Variants in UBE2O observed in about 807,000 individuals in gnomAD.
The protein encoded by UBE2O is ubiquitin conjugating enzyme E2 O, also known as (E3-independent) E2 ubiquitin-conjugating enzyme.
Under a neutral mutation model 125.8 loss-of-function variants are expected in UBE2O, and 15 were observed. That is an observed-to-expected ratio of 0.12 (90% CI 0.08 to 0.18). The LOEUF (loss-of-function observed/expected upper bound fraction) is 0.18. Among genes scored for constraint, UBE2O ranks in the 10% least tolerant of loss-of-function variants. The probability of loss-of-function intolerance (pLI) is 1.00; values close to 1 mark genes in which losing one functional copy is unlikely to be tolerated. For missense variants in UBE2O, 1,280 were observed against 1,723.6 expected (o/e 0.74, Z 4.56); for synonymous variants, 708 against 703.2 (o/e 1.01, Z -0.11).
chr17:76,400,165 C>T lies in UBE2O; in HGVS notation c.1137G>A (p.Glu379=), dbSNP rs1187090255. The T allele has an allele frequency of 1.2e-6, 2 of 1,613,980 alleles. No homozygotes were observed. Among genetic ancestry groups the T allele is most frequent in the East Asian group, 2.2e-5 (1 of 44,896 alleles). ...GACATACCTTCTTGGCCATAGAGCCCTCCCCCTGGGCGCAGTTTTTTTCTG... is the reference window on the plus strand; with the variant it reads ...GACATACCTTCTTGGCCATAGAGCCTTCCCCCTGGGCGCAGTTTTTTTCTG... ...ECPEKNCAQG[E]GSMAKKVKRL... is the part of the protein sequence containing the mutation. Residue 379 remains glutamate (E), a synonymous_variant, in exon 8 of 18, where the codon GAG becomes GAA. Coordinates refer to ENST00000319380, the MANE Select transcript of UBE2O (RefSeq NM_022066.4). This position sits in a 1 kb window ranked among gnomAD's most constrained non-coding sequence, Gnocchi z 4.3.
rs78701971 is a variant in UBE2O at position 76,395,357 on chromosome 17, ATTTT to A, written c.2946+364_2946+367del. 3 of 139,816 alleles carry A rather than the reference ATTTT, an allele frequency of 2.1e-5. No homozygotes were observed. The highest frequency in any genetic ancestry group is 4.6e-5 in the Non-Finnish European group (3 of 64,718). 8.7% of individuals were successfully genotyped at this position (139,816 alleles called of 1,614,324 possible). A position where few individuals can be genotyped will look rare whatever the true frequency, so the allele number is the denominator to read the frequency against. The stretch of plus-strand genomic sequence containing the variant: ...CATGGTGGCGGGAGAGTTTTTTGTA[ATTTT>A]TTTTTTTTTTTTAGTGGAGACGGGG... On this transcript the variant is annotated intron_variant, in intron 15 of 17. Transcript: ENST00000319380. The surrounding 1 kb of genome is among the most constrained non-coding windows in gnomAD (Gnocchi z 5.0).
At chr17:76,424,947 T>C (rs2072781815) in intron 1 of UBE2O, among the ~76,000 whole-genome samples, 1 of 150,772 alleles carries the variant, frequency 6.6e-6, no homozygotes, top group African/African-American at 2.4e-5. Context: ...CTCAGCTCAC[T>C]GCAAGCTCCG....
At position 76,436,970 on chromosome 17, in the gene UBE2O, A is replaced by G. The variant is rs535949436; in HGVS notation, c.417+15755T>C. Reference sequence around the variant, plus strand: ...AACATGTTGAAACCATTTCTACTAAAAATGCAAAACAAACAACAACAACAA... The same window carrying G: ...AACATGTTGAAACCATTTCTACTAAGAATGCAAAACAAACAACAACAACAA... On this transcript the variant is annotated intron_variant, in intron 1 of 17. Coordinates refer to ENST00000319380, the MANE Select transcript of UBE2O (RefSeq NM_022066.4). 5.1e-4 allele frequency among the ~76,000 whole-genome samples: 77 copies of G among 152,214 alleles called. No individual in the cohort carries two copies. In the Middle Eastern group the frequency reaches 0.01, roughly 20 times the overall value.
At chr17:76,440,154 G>A (rs1041491258) in intron 1 of UBE2O, among the ~76,000 whole-genome samples, 72 of 152,306 alleles carry the variant, frequency 4.7e-4, no homozygotes, top group Middle Eastern at 3.4e-3. Flanking sequence ...AGATCACAGC[G>A]ATGGTTCTCT....
Position 76,410,531 on chromosome 17 carries a change from G to A in UBE2O, c.418-4959C>T, listed in dbSNP as rs1376828845. 6.6e-6 allele frequency among the ~76,000 whole-genome samples: 1 copy of A among 152,176 alleles called. No individual in the cohort carries two copies. The highest frequency in any genetic ancestry group is 1.5e-5 in the Non-Finnish European group (1 of 68,030). ...TCTGGAGACGCAGGTGCTGAGACCCGAACAATGGCAGAGAAGGTGGGTCTG... is the reference window on the plus strand; with the variant it reads ...TCTGGAGACGCAGGTGCTGAGACCCAAACAATGGCAGAGAAGGTGGGTCTG... On this transcript the variant is annotated intron_variant, in intron 1 of 17. Coordinates refer to ENST00000319380, the MANE Select transcript of UBE2O (RefSeq NM_022066.4). This position sits in a 1 kb window ranked among gnomAD's most constrained non-coding sequence, Gnocchi z 4.0.
At chr17:76,429,541 CAAAAAAA>C (rs61081315) in intron 1 of UBE2O, among the ~76,000 whole-genome samples, 1 of 71,792 alleles carries the variant, frequency 1.4e-5, no homozygotes, top group Admixed American at 1.8e-4. Context: ...GACTCTGTCT[CAAAAAAA>C]AAAAAAAAAA....
intron 1 of UBE2O, among the ~76,000 whole-genome samples, chr17:76,422,886 GA>G (rs1303112944): frequency 1.1e-4 from 17 of 152,366 alleles, no homozygotes; most frequent in African/African-American, 4.1e-4. Flanking sequence ...CTGGAACACA[GA>G]AGGGTGCCTC....
At chr17:76,450,099 C>A (rs935672308) in intron 1 of UBE2O, among the ~76,000 whole-genome samples, 13 of 148,056 alleles carry the variant, frequency 8.8e-5, no homozygotes, top group African/African-American at 3.3e-4. Context: ...AAAAAAAAAT[C>A]TGCCACTACA....
Position 76,405,506 on chromosome 17 carries a change from G to A in UBE2O, c.477+7C>T, listed in dbSNP as rs373424474. 1.0e-4 allele frequency: 159 copies of A among 1,596,152 alleles called. No individual in the cohort carries two copies. Among genetic ancestry groups the A allele is most frequent in the African/African-American group, 4.0e-5 (3 of 74,788 alleles). ...GCCCGGGGCTGGGGTGGGGACGCAG[G>A]ACTCACGGTGGATCGCATGTGCCGG... is the stretch of plus-strand genomic sequence containing the variant. On this transcript the variant is annotated splice_region_variant and intron_variant, in intron 2 of 17. Coordinates refer to ENST00000319380, the MANE Select transcript of UBE2O (RefSeq NM_022066.4). The surrounding 1 kb of genome is among the most constrained non-coding windows in gnomAD (Gnocchi z 6.1).
intron 1 of UBE2O, among the ~76,000 whole-genome samples, chr17:76,416,686 C>A (rs1285306907): frequency 6.6e-6 from 1 of 152,198 alleles, no homozygotes; most frequent in Non-Finnish European, 1.5e-5. Flanking sequence ...GCTGGCATCA[C>A]TGGGACACCA....
Position 76,399,162 on chromosome 17 carries a change from G to A in UBE2O, c.1629-171C>T, listed in dbSNP as rs1170530674. On this transcript the variant is annotated intron_variant, in intron 9 of 17. Transcript: ENST00000319380. The surrounding 1 kb of genome is among the most constrained non-coding windows in gnomAD (Gnocchi z 6.9). ...CAGGAAGCTCACCCAGGGTTCCAAG[G>A]CCACGCATTCTCTGAGAACAGGATC... 5 of 875,642 alleles carry A rather than the reference G, an allele frequency of 5.7e-6. No individual in the cohort carries two copies. Among genetic ancestry groups the A allele is most frequent in the Non-Finnish European group, 8.5e-6 (5 of 587,128 alleles). 54.2% of individuals were successfully genotyped at this position (875,642 alleles called of 1,614,324 possible).
At chr17:76,450,005 T>C (rs2073211307) in intron 1 of UBE2O, among the ~76,000 whole-genome samples, 2 of 151,812 alleles carry the variant, frequency 1.3e-5, no homozygotes, top group Non-Finnish European at 2.9e-5. Context: ...GCAGGAGGAT[T>C]GTGTGAGACC....
rs1450812345 is a variant in UBE2O at position 76,390,128 on chromosome 17, T to G, written c.*815A>C. The G allele has an allele frequency of 6.6e-6, 1 of 152,580 alleles. No homozygotes were observed. Among genetic ancestry groups the G allele is most frequent in the African/African-American group, 2.4e-5 (1 of 41,438 alleles). 9.5% of individuals were successfully genotyped at this position (152,580 alleles called of 1,614,324 possible). A position where few individuals can be genotyped will look rare whatever the true frequency, so the allele number is the denominator to read the frequency against. On this transcript the variant is annotated 3_prime_UTR_variant, in exon 18 of 18. Transcript: ENST00000319380. ...GCACGCCTGTCCCAGTGTGACCATG[T>G]GATGGGGGAGGGGCCCTAGCACTTG... is the stretch of plus-strand genomic sequence containing the variant.
At chr17:76,429,336 G>T (rs937488179) in intron 1 of UBE2O, among the ~76,000 whole-genome samples, 2 of 151,874 alleles carry the variant, frequency 1.3e-5, no homozygotes, top group Non-Finnish European at 2.9e-5. Flanking sequence ...GAGCTCAGGA[G>T]TTTGAAACCT....
At chr17:76,433,878 G>T (rs1355384534) in intron 1 of UBE2O, among the ~76,000 whole-genome samples, 2 of 152,258 alleles carry the variant, frequency 1.3e-5, no homozygotes, top group Admixed American at 1.3e-4. Flanking sequence ...AAAAAGAAAT[G>T]AAAATTAGCC....
chr17:76,412,813 G>T (rs1168819504), intron 1 of UBE2O, among the ~76,000 whole-genome samples: 1 of 152,216 alleles, frequency 6.6e-6, no homozygotes, highest in Non-Finnish European at 1.5e-5. Context: ...TTCGAGACCA[G>T]CCTGGCCAAC....
intron 1 of UBE2O, among the ~76,000 whole-genome samples, chr17:76,411,808 CCT>C (rs1299871422): frequency 6.6e-6 from 1 of 152,192 alleles, no homozygotes; most frequent in African/African-American, 2.4e-5. Flanking sequence ...GCCTCAGCCT[CCT>C]GAGTAGCTGG....
intron 1 of UBE2O, among the ~76,000 whole-genome samples, chr17:76,432,266 T>C (rs2072918728): frequency 1.3e-5 from 2 of 152,190 alleles, no homozygotes; most frequent in Admixed American, 1.3e-4. Context: ...CGGAAAGGAC[T>C]CAGTTATCAA....
intron 1 of UBE2O, among the ~76,000 whole-genome samples, chr17:76,446,826 T>C (rs937841911): frequency 1.3e-5 from 2 of 152,258 alleles, no homozygotes; most frequent in Non-Finnish European, 2.9e-5. Flanking sequence ...AGTTCAGTGT[T>C]GGAATGAATC....
Sources: gnomAD v4.1 joint callset for allele counts (sites outside exome capture counted in the v4.1 genomes callset) on GRCh38, gnomAD v4.1.1 for gene constraint, Gnocchi (gnomAD v3.1) non-coding constraint, MANE v1.5 for transcripts, NCBI Gene and HGNC (gene_info 2026-07-23, HGNC 2026-07-21) for gene names.